Variants in RNF115 observed in about 807,000 individuals in gnomAD.
RNF115 encodes the protein ring finger protein 115.
RNF115 carries 31 observed loss-of-function variants against 39.2 expected under a neutral mutation model. The observed-to-expected ratio is 0.79, with a 90% CI of 0.59 to 1.07. The LOEUF is 1.07. Ranked by LOEUF, RNF115 falls within the 50% of genes least tolerant of loss-of-function variation. RNF115 has a pLI of 0.00. For synonymous variants in RNF115, 124 were observed against 131.0 expected, an observed-to-expected ratio of 0.95 and a Z score of 0.37; for missense variants, 384 against 381.7, an observed-to-expected ratio of 1.01 and a Z score of -0.05.
chr1:145,756,338 T>C, intron 4 of RNF115, among the ~76,000 whole-genome samples: 1 of 151,990 alleles, frequency 6.6e-6, no homozygotes, highest in East Asian at 1.9e-4. Flanking sequence ...CACACACCTG[T>C]AATGCCAGCT....
chr1:145,755,008 G>T (rs1658244137), intron 4 of RNF115, among the ~76,000 whole-genome samples: 1 of 152,102 alleles, frequency 6.6e-6, no homozygotes, highest in Non-Finnish European at 1.5e-5. Context: ...AACTTTGGGA[G>T]GCTGAGGTGG....
Position 145,746,852 on chromosome 1 carries a change from T to C in RNF115, c.*14A>G, listed in dbSNP as rs1571700218. ...ATGATTACCACAGCCCTGATTCAGG[T>C]GTGGTCTTTAGCTTCAGAAAGTCCA... On this transcript the variant is annotated 3_prime_UTR_variant, in exon 9 of 9. Coordinates refer to ENST00000582693, the MANE Select transcript of RNF115 (RefSeq NM_014455.4). 6.2e-7 allele frequency: 1 copy of C among 1,613,472 alleles called. No homozygotes were observed. The highest frequency in any genetic ancestry group is 8.5e-7 in the Non-Finnish European group (1 of 1,179,584).
At chr1:145,816,813 G>A (rs1386978578) in intron 1 of RNF115, among the ~76,000 whole-genome samples, 11 of 135,846 alleles carry the variant, frequency 8.1e-5, no homozygotes, top group Non-Finnish European at 1.8e-4. Context: ...CTGTTGCCCA[G>A]GCTGGAGTAC....
chr1:145,744,220 G>A lies in RNF115; in HGVS notation c.*2646C>T, dbSNP rs1217643176. 1 of 152,242 alleles carries A rather than the reference G, an allele frequency of 6.6e-6. No homozygotes were observed. The highest frequency in any genetic ancestry group is 1.5e-5 in the Non-Finnish European group (1 of 68,044). The allele number at this position is 152,242 out of a possible 1,614,324, so 9.4% of individuals were successfully genotyped here. ...CTGTCATGATTTTTCTGAGACAACT[G>A]ATATTGTGTACTTGAAAACTGCAAT... On this transcript the variant is annotated 3_prime_UTR_variant, in exon 9 of 9. Transcript: ENST00000582693.
rs1445527195 is a variant in RNF115, at chr1:145,742,896, C to T, written c.*3970G>A. On this transcript the variant is annotated 3_prime_UTR_variant, in exon 9 of 9. Coordinates refer to ENST00000582693, the MANE Select transcript of RNF115 (RefSeq NM_014455.4). Reference sequence around the variant, plus strand: ...AAGAAGCACCTGTCGGCTGGGAGTGCTAGCTCACACCTGTAATCCCAGCAC... The same window carrying T: ...AAGAAGCACCTGTCGGCTGGGAGTGTTAGCTCACACCTGTAATCCCAGCAC... 6.6e-6 allele frequency: 1 copy of T among 152,046 alleles called. No homozygotes were observed. The highest frequency in any genetic ancestry group is 1.5e-5 in the Non-Finnish European group (1 of 67,984). The allele number at this position is 152,046 out of a possible 1,614,324, so 9.4% of individuals were successfully genotyped here.
chr1:145,777,277 G>C (rs1429414723), intron 3 of RNF115, among the ~76,000 whole-genome samples: 1 of 152,070 alleles, frequency 6.6e-6, no homozygotes, highest in Admixed American at 6.6e-5. Flanking sequence ...CAAGCACCAA[G>C]TTCATAATAC....
chr1:145,751,690 G>T (rs1215971993), intron 5 of RNF115, among the ~76,000 whole-genome samples, 180 bp from the exon 6 acceptor site: 1 of 152,172 alleles, frequency 6.6e-6, no homozygotes, highest in Non-Finnish European at 1.5e-5. Flanking sequence ...TCCAGAGATA[G>T]TACCTCATTC....
At chr1:145,775,692 C>G (rs1268211488) in intron 3 of RNF115, among the ~76,000 whole-genome samples, 1 of 152,024 alleles carries the variant, frequency 6.6e-6, no homozygotes, top group Non-Finnish European at 1.5e-5. Context: ...CTGTGCCCCA[C>G]TTTAAAATAT....
intron 1 of RNF115, among the ~76,000 whole-genome samples, chr1:145,812,042 G>A (rs1398275499): frequency 4.6e-4 from 67 of 144,488 alleles, no homozygotes; most frequent in African/African-American, 1.6e-3. Context: ...TGAGAGGTCT[G>A]AGAATTAACG....
intron 4 of RNF115, among the ~76,000 whole-genome samples, chr1:145,763,160 T>C (rs1411734273): frequency 6.6e-6 from 1 of 152,062 alleles, no homozygotes; most frequent in Non-Finnish European, 1.5e-5. Context: ...GGAAAGCAAA[T>C]TTTTAAAAAT....
intron 4 of RNF115, 54 bp from the exon 5 acceptor site, chr1:145,753,103 C>T: frequency 8.2e-7 from 1 of 1,214,204 alleles, no homozygotes; most frequent in Non-Finnish European, 1.2e-6. Context: ...AAGTACTCTA[C>T]AGATATCCAT....
intron 1 of RNF115, among the ~76,000 whole-genome samples, chr1:145,816,075 T>C (rs1649981225): frequency 2.3e-5 from 1 of 43,880 alleles, no homozygotes. Context: ...GAATGGTTTT[T>C]TTTTTTTTTG....
chr1:145,787,133 G>C (rs1401130598), intron 2 of RNF115: 1 of 667,450 alleles, frequency 1.5e-6, no homozygotes, highest in Non-Finnish European at 2.4e-6. Flanking sequence ...AAGATTAAGA[G>C]GCTTCAGATT....
intron 1 of RNF115, among the ~76,000 whole-genome samples, chr1:145,821,302 A>G (rs1420481108): frequency 3.0e-5 from 4 of 131,260 alleles, no homozygotes; most frequent in African/African-American, 1.0e-4. Context: ...GACAAATAAT[A>G]TATCACACCA....
Position 145,750,464 on chromosome 1 carries a change from C to T in RNF115, c.610G>A (p.Ala204Thr), listed in dbSNP as rs1553712321. The T allele has an allele frequency of 6.2e-7, 1 of 1,613,968 alleles. No homozygotes were observed. Among genetic ancestry groups the T allele is most frequent in the Admixed American group, 1.7e-5 (1 of 59,996 alleles). Residue 204 changes from alanine to threonine, a missense_variant, in exon 7 of 9, where the codon GCT becomes ACT. Physicochemically the swap from Ala to Thr is moderately conservative, Grantham distance 58. Coordinates refer to ENST00000582693, the MANE Select transcript of RNF115 (RefSeq NM_014455.4). ...AGAGATGTGATCTTTTCCTTGTCAG[C>T]TGGGGGAGGGCCTGTGTTTTCCAGT... ...GQLENTGPPP[A>T]DKEKITSLPT... is the part of the protein sequence containing the mutation.
chr1:145,770,409 A>G (rs1559112981), intron 4 of RNF115, among the ~76,000 whole-genome samples: 1 of 152,184 alleles, frequency 6.6e-6, no homozygotes, highest in Non-Finnish European at 1.5e-5. Flanking sequence ...TAGAACTAAG[A>G]TAATGGAAAT....
At chr1:145,758,212 C>T (rs1455805799) in intron 4 of RNF115, among the ~76,000 whole-genome samples, 2 of 151,976 alleles carry the variant, frequency 1.3e-5, no homozygotes, top group African/African-American at 4.8e-5. Flanking sequence ...GGTTTTTTTC[C>T]TGCTTCCTCT....
Position 145,739,299 on chromosome 1 carries a change from T to G in RNF115, c.*7567A>C, listed in dbSNP as rs1325149840. The G allele has an allele frequency of 6.6e-6, 1 of 152,194 alleles. No individual in the cohort carries two copies. Among genetic ancestry groups the G allele is most frequent in the Non-Finnish European group, 1.5e-5 (1 of 68,040 alleles). 9.4% of individuals were successfully genotyped at this position (152,194 alleles called of 1,614,324 possible). A position where few individuals can be genotyped will look rare whatever the true frequency, so the allele number is the denominator to read the frequency against. On this transcript the variant is annotated 3_prime_UTR_variant, in exon 9 of 9. Transcript: ENST00000582693. ...GAATAAAGGGGTAAGAGCACAGAAA[T>G]TTAGCTACAGCTCCATGGTGAGCCA...
intron 1 of RNF115, among the ~76,000 whole-genome samples, chr1:145,806,088 C>T (rs1199982768): frequency 2.0e-5 from 3 of 152,170 alleles, no homozygotes; most frequent in Non-Finnish European, 4.4e-5. Flanking sequence ...TGGCTCACGA[C>T]TATAATCCCA....
Sources: gnomAD v4.1 joint callset for allele counts (sites outside exome capture counted in the v4.1 genomes callset) on GRCh38, gnomAD v4.1.1 for gene constraint, MANE v1.5 for transcripts, NCBI Gene and HGNC (gene_info 2026-07-23, HGNC 2026-07-21) for gene names.